The following RANBP17 variants were observed in gnomAD, a reference collection of about 807,000 sequenced individuals.
RANBP17 encodes ran-binding protein 17.
In RANBP17, 158 loss-of-function variants were observed where a neutral mutation model predicts 141.2. That is an observed-to-expected ratio of 1.12 (90% CI 0.98 to 1.28). The LOEUF is 1.28. RANBP17 is among the 50% of genes most tolerant of loss of function. The pLI is 0.00. For synonymous variants in RANBP17, 430 were observed against 450.0 expected, an observed-to-expected ratio of 0.96 and a Z score of 0.56; for missense variants, 1,438 against 1,290.7, an observed-to-expected ratio of 1.11 and a Z score of -1.75.
intron 14 of RANBP17, among the ~76,000 whole-genome samples, chr5:171,136,966 G>GT (rs548238612): frequency 3.3e-5 from 5 of 152,108 alleles, no homozygotes; most frequent in Middle Eastern, 3.4e-3. Flanking sequence ...CCAGTAAATT[G>GT]TCAGTAGTGC....
intron 24 of RANBP17, among the ~76,000 whole-genome samples, chr5:171,245,877 CTT>C (rs778868859): frequency 8.2e-5 from 11 of 134,272 alleles, no homozygotes; most frequent in African/African-American, 8.3e-5. Flanking sequence ...TCTTCTCATA[CTT>C]TTTTTTTTTT....
At position 170,896,084 on chromosome 5, in the gene RANBP17, T is replaced by A. The variant is rs1416069309; in HGVS notation, c.458T>A (p.Ile153Asn). The A allele has an allele frequency of 6.2e-7, 1 of 1,609,586 alleles. No individual in the cohort carries two copies. The highest frequency in any genetic ancestry group is 1.3e-5 in the African/African-American group (1 of 74,710). ...TVEHCIIGVI[I>N]LSELTQEMNL... ...GAACACTGCATAATAGGAGTAATAA[T>A]CCTTTCTGAATTGACTCAGGAAATG... Residue 153 changes from isoleucine to asparagine, a missense_variant, in exon 5 of 28, where the codon ATC becomes AAC. Ile to Asn is a moderately radical substitution (Grantham distance 149, BLOSUM62 -3). Transcript: ENST00000523189.
At chr5:171,049,049 T>C (rs571791905) in intron 14 of RANBP17, among the ~76,000 whole-genome samples, 7 of 152,200 alleles carry the variant, frequency 4.6e-5, no homozygotes, top group Non-Finnish European at 1.0e-4. Context: ...CTTCGAGAAA[T>C]CGCCACACTG....
intron 14 of RANBP17, among the ~76,000 whole-genome samples, chr5:171,165,806 A>G (rs1759654445): frequency 6.6e-6 from 1 of 152,202 alleles, no homozygotes; most frequent in Admixed American, 6.5e-5. Flanking sequence ...CAGGCTGGCA[A>G]GGTTTCAAAT....
chr5:170,967,478 C>T (rs547020995), intron 13 of RANBP17, among the ~76,000 whole-genome samples: 69 of 151,728 alleles, frequency 4.5e-4, no homozygotes, highest in Non-Finnish European at 8.8e-4. Flanking sequence ...GGTCATCCAC[C>T]AGAAAATTTT....
At chr5:170,891,927 G>A in intron 3 of RANBP17, among the ~76,000 whole-genome samples, 1 of 152,104 alleles carries the variant, frequency 6.6e-6, no homozygotes, top group Admixed American at 6.5e-5. Context: ...CAACAAAAGT[G>A]TTCTATTCAC....
intron 14 of RANBP17, among the ~76,000 whole-genome samples, chr5:171,007,761 G>C (rs1257156996): frequency 6.6e-6 from 1 of 152,168 alleles, no homozygotes; most frequent in Non-Finnish European, 1.5e-5. Flanking sequence ...CTGGGGCCAA[G>C]CAGTGATGCA....
intron 18 of RANBP17, among the ~76,000 whole-genome samples, chr5:171,191,557 G>A (rs1486125344): frequency 6.6e-6 from 1 of 152,006 alleles, no homozygotes; most frequent in Non-Finnish European, 1.5e-5. Flanking sequence ...CGTCATGGCG[G>A]GTCTCTGTAG....
intron 14 of RANBP17, 39 bp downstream of exon 14, chr5:170,968,416 G>A (rs750966206): frequency 6.5e-7 from 1 of 1,545,090 alleles, no homozygotes; most frequent in South Asian, 1.1e-5. Context: ...TGTTATTGGG[G>A]ATGAAGAAAG....
chr5:171,164,109 TGTG>T (rs1289705663), intron 14 of RANBP17, among the ~76,000 whole-genome samples: 1 of 152,172 alleles, frequency 6.6e-6, no homozygotes, highest in African/African-American at 2.4e-5. Context: ...ATTTGTTTCA[TGTG>T]GTGCTTTTGA....
chr5:171,206,776 C>A (rs1283824189), intron 20 of RANBP17: 1 of 178,834 alleles, frequency 5.6e-6, no homozygotes, highest in East Asian at 9.2e-5. Flanking sequence ...TAATTTGATA[C>A]TGACATATCT....
intron 12 of RANBP17, among the ~76,000 whole-genome samples, chr5:170,946,467 G>T (rs1235900863): frequency 1.3e-5 from 2 of 152,086 alleles, no homozygotes; most frequent in Non-Finnish European, 2.9e-5. Flanking sequence ...AGCATAGTCT[G>T]TTAATAGCGA....
chr5:170,893,975 A>T (rs1769882669), intron 4 of RANBP17, among the ~76,000 whole-genome samples: 2 of 152,134 alleles, frequency 1.3e-5, no homozygotes, highest in African/African-American at 4.8e-5. Flanking sequence ...ACTTCATCAT[A>T]TAGTGCAGTG....
At chr5:170,963,231 A>T (rs1195492302) in intron 13 of RANBP17, among the ~76,000 whole-genome samples, 1 of 152,194 alleles carries the variant, frequency 6.6e-6, no homozygotes, top group Non-Finnish European at 1.5e-5. Flanking sequence ...AACAAAAGAT[A>T]GTCTGTACAG....
chr5:171,221,312 G>A (rs1763541007), intron 21 of RANBP17, among the ~76,000 whole-genome samples: 2 of 152,190 alleles, frequency 1.3e-5, no homozygotes, highest in Non-Finnish European at 2.9e-5. Context: ...AAAAGTACCA[G>A]ATTTCCTACT....
chr5:170,966,765 C>T (rs547740387), intron 13 of RANBP17, among the ~76,000 whole-genome samples: 1 of 152,064 alleles, frequency 6.6e-6, no homozygotes, highest in African/African-American at 2.4e-5. Flanking sequence ...TCCCTGTTTG[C>T]AGATGACATG....
chr5:170,970,470 A>G (rs1035976332), intron 14 of RANBP17: 8 of 152,104 alleles, frequency 5.3e-5, no homozygotes, highest in Admixed American at 2.0e-4. Context: ...TGCATACTTT[A>G]TATGTGGTAA....
At chr5:170,997,575 A>G (rs960028198) in intron 14 of RANBP17, among the ~76,000 whole-genome samples, 1 of 152,208 alleles carries the variant, frequency 6.6e-6, no homozygotes, top group Non-Finnish European at 1.5e-5. Flanking sequence ...CATGCTTGAC[A>G]TAGGTTGCTG....
chr5:171,170,058 G>A, intron 14 of RANBP17, 72 bp from the exon 15 acceptor site: 2 of 795,786 alleles, frequency 2.5e-6, no homozygotes, highest in Non-Finnish European at 3.9e-6. Flanking sequence ...TCTTATGTTT[G>A]TTCAATTCGA....
Sources: allele counts gnomAD v4.1 joint callset (sites outside exome capture counted in the v4.1 genomes callset), GRCh38; gene constraint gnomAD v4.1.1; transcripts MANE v1.5; gene names NCBI Gene and HGNC (gene_info 2026-07-23, HGNC 2026-07-21).